ANKRD17: variants seen among roughly 807,000 people sequenced by gnomAD.
The protein encoded by ANKRD17 is ankyrin repeat domain 17.
ANKRD17 carries 19 observed loss-of-function variants against 229.7 expected under a neutral mutation model. The observed-to-expected ratio is 0.08, with a 90% CI of 0.06 to 0.12. ANKRD17 has a LOEUF of 0.12. Among genes scored for constraint, ANKRD17 ranks in the 10% least tolerant of loss-of-function variants. The pLI is 1.00. For synonymous variants in ANKRD17, 1,112 were observed against 1,146.1 expected, an observed-to-expected ratio of 0.97 and a Z score of 0.60; for missense variants, 2,176 against 3,176.8, an observed-to-expected ratio of 0.68 and a Z score of 7.57.
intron 30 of ANKRD17, among the ~76,000 whole-genome samples, chr4:73,082,293 G>A (rs1721653684): frequency 6.6e-6 from 1 of 152,086 alleles, no homozygotes; most frequent in East Asian, 1.9e-4. Context: ...AACATGGTAA[G>A]ACCTCATCTT....
intron 25 of ANKRD17, 182 bp from the exon 26 acceptor site, chr4:73,098,702 C>A: frequency 1.1e-6 from 1 of 870,884 alleles, no homozygotes; most frequent in Non-Finnish European, 1.9e-6. Flanking sequence ...TACCCACGTT[C>A]TGTTCAAAGA....
At chr4:73,107,428 A>G (rs1724778428) in intron 24 of ANKRD17, among the ~76,000 whole-genome samples, 1 of 152,236 alleles carries the variant, frequency 6.6e-6, no homozygotes. Flanking sequence ...CCTGTCTTCA[A>G]GTTTACATTT....
intron 29 of ANKRD17, among the ~76,000 whole-genome samples, chr4:73,089,412 G>C (rs539766997): frequency 2.6e-5 from 4 of 151,992 alleles, no homozygotes; most frequent in Admixed American, 2.6e-4. Context: ...TTGGCCCATA[G>C]ACCATAGTGT....
Position 73,148,953 on chromosome 4 carries a change from C to T in ANKRD17, c.1427G>A (p.Cys476Tyr). The change falls in exon 8 of 34, where the codon TGT becomes TAT. Residue 476 changes from cysteine (C) to tyrosine (Y), a missense_variant. By Grantham distance (194) the Cys-to-Tyr change is radical. Coordinates refer to ENST00000358602, the MANE Select transcript of ANKRD17 (RefSeq NM_032217.5). ...AGCCGCAAGTTCCACATGCCCACCACATGCAGCCAAAGTTAATGGTGACTC... is the reference window on the plus strand; with the variant it reads ...AGCCGCAAGTTCCACATGCCCACCATATGCAGCCAAAGTTAATGGTGACTC... ...SFESPLTLAA[C>Y]GGHVELAALL... is the part of the protein sequence containing the mutation. 6.2e-7 allele frequency: 1 copy of T among 1,613,326 alleles called. No homozygotes were observed. The highest frequency in any genetic ancestry group is 8.5e-7 in the Non-Finnish European group (1 of 1,179,632).
chr4:73,214,969 C>T lies in ANKRD17; in HGVS notation c.394-37436G>A, dbSNP rs76396624. Among the ~76,000 whole-genome samples the T allele has an allele frequency of 1.5e-3, 225 of 151,606 alleles. 3 individuals carry two copies. The highest frequency in any genetic ancestry group is 4.9e-3 in the African/African-American group (203 of 41,354). Reference sequence around the variant, plus strand: ...GCACTTCTATTACATACCCAAAGTACGGTAGCTGTCTCAAGAAAAACACTT... The same window carrying T: ...GCACTTCTATTACATACCCAAAGTATGGTAGCTGTCTCAAGAAAAACACTT... On this transcript the variant is annotated intron_variant, in intron 1 of 33. Transcript: ENST00000358602.
At chr4:73,101,264 A>G in intron 25 of ANKRD17, 1 of 950,784 alleles carries the variant, frequency 1.1e-6, no homozygotes, top group Non-Finnish European at 1.3e-6. Context: ...TCATTTGAAG[A>G]AATCGATGAT....
intron 23 of ANKRD17, 82 bp from the exon 24 acceptor site, chr4:73,113,990 GT>G: frequency 1.0e-6 from 1 of 978,012 alleles, no homozygotes; most frequent in Non-Finnish European, 1.6e-6. Flanking sequence ...AAGATCTTTA[GT>G]AAGGTACTCA....
rs1399764108 is a variant in ANKRD17, at chr4:73,120,326, T to G, written c.3861A>C (p.Thr1287=). 1.9e-6 allele frequency: 3 copies of G among 1,613,704 alleles called. No individual in the cohort carries two copies. Among genetic ancestry groups the G allele is most frequent in the African/African-American group, 2.7e-5 (2 of 74,820 alleles). ...NVEHRAKTGL[T]PLMEAASGGY... ...CACCAGAGGCAGCTTCCATTAGTGG[T>G]GTGAGACCAGTCTAAGTTTAGTGTA... Residue 1287 remains threonine (T), a synonymous_variant, in exon 21 of 34, where the codon ACA becomes ACC. Transcript: ENST00000358602.
At chr4:73,155,370 G>A (rs142932515) in intron 5 of ANKRD17, among the ~76,000 whole-genome samples, 3 of 152,286 alleles carry the variant, frequency 2.0e-5, no homozygotes, top group Admixed American at 6.5e-5. Context: ...ATTTCCAAGA[G>A]AGTGGTCCAT....
chr4:73,223,475 G>T (rs1742123874), intron 1 of ANKRD17, among the ~76,000 whole-genome samples: 1 of 152,176 alleles, frequency 6.6e-6, no homozygotes, highest in South Asian at 2.1e-4. Flanking sequence ...GCATGATAAT[G>T]CCAAGTTAGA....
Position 73,254,670 on chromosome 4 carries a change from A to T in ANKRD17, c.393+3606T>A, listed in dbSNP as rs141530495. On this transcript the variant is annotated intron_variant, in intron 1 of 33. Transcript: ENST00000358602. ...GTAATTCCAGCTACTCGGGAAGCTG[A>T]GGCAGGAAAATCATTTGAACCCGGG... Among the ~76,000 whole-genome samples the T allele has an allele frequency of 2.2e-4, 34 of 152,128 alleles. No individual in the cohort carries two copies. In the East Asian group the frequency reaches 3.7e-3, roughly 16 times the overall value.
At chr4:73,235,020 T>C (rs1743377293) in intron 1 of ANKRD17, among the ~76,000 whole-genome samples, 1 of 152,236 alleles carries the variant, frequency 6.6e-6, no homozygotes, top group Non-Finnish European at 1.5e-5. Flanking sequence ...GGGATTTTGC[T>C]GTCAATCCGA....
At chr4:73,204,402 A>G (rs1739170183) in intron 1 of ANKRD17, among the ~76,000 whole-genome samples, 1 of 151,558 alleles carries the variant, frequency 6.6e-6, no homozygotes, top group African/African-American at 2.4e-5. Flanking sequence ...AAAGAAAAAC[A>G]ATCTTTCTTT....
At chr4:73,163,705 G>A (rs1286849620) in intron 2 of ANKRD17, among the ~76,000 whole-genome samples, 3 of 152,140 alleles carry the variant, frequency 2.0e-5, no homozygotes, top group Admixed American at 1.3e-4. Context: ...AAAGGTTAGG[G>A]GTAAGCATGC....
intron 16 of ANKRD17, among the ~76,000 whole-genome samples, chr4:73,134,781 T>C (rs1728676607): frequency 2.0e-5 from 3 of 152,134 alleles, no homozygotes; most frequent in Non-Finnish European, 4.4e-5. Context: ...ATGCAATCCA[T>C]TATATATTTC....
Position 73,094,322 on chromosome 4 carries a change from C to G in ANKRD17, c.5178-94G>C, listed in dbSNP as rs1239726459. 6 of 1,158,016 alleles carry G rather than the reference C, an allele frequency of 5.2e-6. No individual in the cohort carries two copies. The African/African-American group carries it at 9.3e-5, about 18-fold the overall frequency. 71.7% of individuals were successfully genotyped at this position (1,158,016 alleles called of 1,614,324 possible). A position where few individuals can be genotyped will look rare whatever the true frequency, so the allele number is the denominator to read the frequency against. On this transcript the variant is annotated intron_variant, in intron 27 of 33. Transcript: ENST00000358602. ...GAAAGAGTATTACTAAAATGTCTTT[C>G]TATAAATACAGAATATTGTTGAATA...
In ANKRD17 at chr4:73,181,363, G is replaced by A. The variant is rs531589991; in HGVS notation, c.394-3830C>T. ...GTGTGTAAAAATGAACCATAATACAGGATAGAAAGTGCATAAGGTAATGAG... is the reference window on the plus strand; with the variant it reads ...GTGTGTAAAAATGAACCATAATACAAGATAGAAAGTGCATAAGGTAATGAG... On this transcript the variant is annotated intron_variant, in intron 1 of 33. Coordinates refer to ENST00000358602, the MANE Select transcript of ANKRD17 (RefSeq NM_032217.5). Among the ~76,000 whole-genome samples the A allele has an allele frequency of 5.4e-4, 82 of 152,154 alleles. 1 individual carries two copies. The South Asian group carries it at 0.016, about 29-fold the overall frequency.
intron 22 of ANKRD17, 74 bp from the exon 23 acceptor site, chr4:73,115,990 T>A: frequency 1.6e-6 from 2 of 1,271,490 alleles, no homozygotes; most frequent in Non-Finnish European, 2.3e-6. Context: ...GAACTAACTT[T>A]AACAGTTAAG....
chr4:73,102,306 A>C, intron 25 of ANKRD17, 70 bp downstream of exon 25: 1 of 1,457,112 alleles, frequency 6.9e-7, no homozygotes, highest in Non-Finnish European at 9.2e-7. Flanking sequence ...TTCAAGAGTG[A>C]CTGATAATCA....
Sources: gnomAD v4.1 joint callset for allele counts (sites outside exome capture counted in the v4.1 genomes callset) on GRCh38, gnomAD v4.1.1 for gene constraint, MANE v1.5 for transcripts, NCBI Gene and HGNC (gene_info 2026-07-23, HGNC 2026-07-21) for gene names.